SMURF1: variants seen among roughly 807,000 people sequenced by gnomAD.
The protein encoded by SMURF1 is SMAD specific E3 ubiquitin protein ligase 1.
A neutral mutation model predicts 98.0 loss-of-function variants in SMURF1; 44 were observed. The ratio of observed to expected loss-of-function variants is 0.45; its 90% CI spans 0.35 to 0.58. The LOEUF is 0.58. Among genes scored for constraint, SMURF1 ranks in the 20% least tolerant of loss-of-function variants. The pLI, the probability that SMURF1 is intolerant of heterozygous loss-of-function variation, is 0.00. For missense variants in SMURF1, 687 were observed against 938.4 expected (o/e 0.73, Z 3.50); for synonymous variants, 396 against 374.9 (o/e 1.06, Z -0.65).
Position 99,142,585 on chromosome 7 carries a change from C to T in SMURF1, c.55+1141G>A, listed in dbSNP as rs1798152311. On this transcript the variant is annotated intron_variant, in intron 1 of 17. Transcript: ENST00000361368. ...GGGCGGGGCTAGGCAGGAATGAGGG[C>T]GGGGCTTGAAAGTGAGGGGCGGGGC... Among the ~76,000 whole-genome samples, 4 of 57,572 alleles carry T rather than the reference C, an allele frequency of 6.9e-5. 1 individual carries two copies. In the South Asian group the frequency reaches 2.7e-3, roughly 40 times the overall value. 37.8% of individuals were successfully genotyped at this position (57,572 alleles called of 152,430 possible).
chr7:99,038,684 C>G (rs529254386), intron 13 of SMURF1, among the ~76,000 whole-genome samples, 159 bp from the exon 14 acceptor site: 2 of 152,300 alleles, frequency 1.3e-5, no homozygotes, highest in East Asian at 3.9e-4. Flanking sequence ...GCAACAGGTG[C>G]TGGAGGACCC....
At chr7:99,041,607 G>C (rs1229261696) in intron 12 of SMURF1, among the ~76,000 whole-genome samples, 6 of 152,244 alleles carry the variant, frequency 3.9e-5, no homozygotes, top group African/African-American at 1.4e-4. Flanking sequence ...CAGGACGCTG[G>C]TGAAGGCCGT....
At chr7:99,105,829 T>C (rs992188483) in intron 1 of SMURF1, among the ~76,000 whole-genome samples, 1 of 152,248 alleles carries the variant, frequency 6.6e-6, no homozygotes, top group African/African-American at 2.4e-5. Context: ...CCTATCCCAC[T>C]AAGACTACAA....
intron 11 of SMURF1, 32 bp from the exon 12 acceptor site, chr7:99,042,264 C>T (rs764847294): frequency 2.0e-5 from 30 of 1,478,918 alleles, no homozygotes; most frequent in Non-Finnish European, 2.7e-5. Flanking sequence ...GCATTTGAGA[C>T]GCGCTAAAAT....
intron 6 of SMURF1, among the ~76,000 whole-genome samples, chr7:99,054,498 G>A (rs1795834760): frequency 6.6e-6 from 1 of 151,824 alleles, no homozygotes; most frequent in Non-Finnish European, 1.5e-5. Context: ...AGTAGAGATG[G>A]GGTTTCACCG....
chr7:99,067,190 G>C (rs1459170409), intron 1 of SMURF1, among the ~76,000 whole-genome samples: 3 of 151,418 alleles, frequency 2.0e-5, no homozygotes, highest in Non-Finnish European at 4.4e-5. Context: ...TAGAGACGGG[G>C]TTTCACCATA....
intron 1 of SMURF1, among the ~76,000 whole-genome samples, chr7:99,119,850 T>C (rs1034631241): frequency 6.6e-6 from 1 of 152,222 alleles, no homozygotes; most frequent in African/African-American, 2.4e-5. Flanking sequence ...ACACCCCATT[T>C]TCAACTCTTT....
chr7:99,090,309 C>T (rs540655296), intron 1 of SMURF1, among the ~76,000 whole-genome samples: 2 of 152,240 alleles, frequency 1.3e-5, no homozygotes, highest in African/African-American at 4.8e-5. Flanking sequence ...TGACCATGAT[C>T]AAACAATCAA....
chr7:99,059,397 CAAAAAAAAATAAAAT>C (rs1284570157), intron 3 of SMURF1, among the ~76,000 whole-genome samples: 573 of 57,082 alleles, frequency 0.01, 16 homozygotes, highest in African/African-American at 0.039. Flanking sequence ...GACTCCATCT[CAAAAAAAAATAAAAT>C]AAAATAAAAT....
At chr7:99,109,242 G>A (rs536877071) in intron 1 of SMURF1, among the ~76,000 whole-genome samples, 16 of 152,258 alleles carry the variant, frequency 1.1e-4, no homozygotes, top group Admixed American at 3.9e-4. Flanking sequence ...CCCATCTTCC[G>A]TTGTCACTCT....
chr7:99,099,190 G>A lies in SMURF1; in HGVS notation c.56-37353C>T, dbSNP rs576542460. ...ATTTGGACTTTGCCCTGGAGGCAAT[G>A]AGGAGCCAAACACTACTACTTTTTT... On this transcript the variant is annotated intron_variant, in intron 1 of 17. Coordinates refer to ENST00000361368, the MANE Select transcript of SMURF1 (RefSeq NM_181349.3). Among the ~76,000 whole-genome samples the A allele has an allele frequency of 1.1e-4, 16 of 151,468 alleles. No homozygotes were observed. In the East Asian group the frequency reaches 2.3e-3, roughly 22 times the overall value.
chr7:99,143,655 G>A (rs1366826584), intron 1 of SMURF1, 71 bp downstream of exon 1: 2 of 1,383,186 alleles, frequency 1.4e-6, no homozygotes, highest in African/African-American at 3.0e-5. Context: ...CGCTTCCAAG[G>A]GCGCCCTGCG....
At chr7:99,043,395 G>C (rs1795457079) in intron 11 of SMURF1, among the ~76,000 whole-genome samples, 1 of 152,178 alleles carries the variant, frequency 6.6e-6, no homozygotes, top group Non-Finnish European at 1.5e-5. Flanking sequence ...TTAGGAGGAA[G>C]ACTCCAGTGG....
At chr7:99,050,710 T>G in intron 8 of SMURF1, 3 of 453,686 alleles carry the variant, frequency 6.6e-6, no homozygotes, top group Non-Finnish European at 4.0e-6. Flanking sequence ...TCCAGTCTCA[T>G]TATAGGTACT....
intron 6 of SMURF1, 29 bp downstream of exon 6, chr7:99,054,761 A>G: frequency 6.2e-7 from 1 of 1,605,246 alleles, no homozygotes. Flanking sequence ...CAGAGAACTC[A>G]GCCCGCCTCT....
intron 6 of SMURF1, among the ~76,000 whole-genome samples, 193 bp downstream of exon 6, chr7:99,054,597 C>T (rs1038550826): frequency 2.0e-5 from 3 of 152,156 alleles, no homozygotes; most frequent in Non-Finnish European, 4.4e-5. Flanking sequence ...TGAGCCACCA[C>T]GCCCAGCCAA....
At chr7:99,031,344 G>C (rs916996905) in intron 17 of SMURF1, 10 of 152,160 alleles carry the variant, frequency 6.6e-5, no homozygotes, top group African/African-American at 2.4e-4. Flanking sequence ...GATATTTCCA[G>C]GGGGAAGCTC....
chr7:99,108,709 A>G (rs1178091103), intron 1 of SMURF1, among the ~76,000 whole-genome samples: 3 of 151,736 alleles, frequency 2.0e-5, no homozygotes. Flanking sequence ...TTCCAGAGCC[A>G]TTTCTTCAAT....
intron 1 of SMURF1, among the ~76,000 whole-genome samples, chr7:99,125,988 C>CA (rs985016869): frequency 2.0e-5 from 3 of 152,318 alleles, no homozygotes; most frequent in African/African-American, 7.2e-5. Context: ...GCTATTACCA[C>CA]ATGGTCTCTC....
Sources: gnomAD v4.1 joint callset for allele counts (sites outside exome capture counted in the v4.1 genomes callset) on GRCh38, gnomAD v4.1.1 for gene constraint, MANE v1.5 for transcripts, NCBI Gene and HGNC (gene_info 2026-07-23, HGNC 2026-07-21) for gene names.